Variants in MON2 observed in about 807,000 individuals in gnomAD.
MON2 encodes the protein protein MON2 homolog.
MON2 carries 84 observed loss-of-function variants against 208.6 expected under a neutral mutation model. The ratio of observed to expected loss-of-function variants is 0.40; its 90% CI spans 0.34 to 0.48. The LOEUF is 0.48. MON2 is among the 20% of genes least tolerant of loss of function. The pLI is 0.59. For missense variants in MON2, 1,611 were observed against 2,015.4 expected (o/e 0.80, Z 3.84); for synonymous variants, 660 against 694.0 (o/e 0.95, Z 0.77).
chr12:62,584,824 T>C (rs556628292), intron 32 of MON2, among the ~76,000 whole-genome samples: 2 of 151,330 alleles, frequency 1.3e-5, no homozygotes, highest in South Asian at 4.2e-4. Context: ...ACAGCGTGTC[T>C]AGAGAGCAAC....
Position 62,484,210 on chromosome 12 carries a change from C to T in MON2, c.152C>T (p.Ala51Val), listed in dbSNP as rs780654461. The change falls in exon 2 of 35, where the codon GCA becomes GTA. Residue 51 changes from alanine to valine, a missense_variant. By Grantham distance (64) the Ala-to-Val change is moderately conservative (BLOSUM62 0). Coordinates refer to ENST00000393630, the MANE Select transcript of MON2 (RefSeq NM_015026.3). The part of the protein sequence containing the change: ...SGIIKVKTIA[A>V]RNTEILAALK... Reference sequence around the variant, plus strand: ...ATAATAAAAGTTAAAACAATTGCTGCACGAAACACTGAAATTTTGGCAGGT... The same window carrying T: ...ATAATAAAAGTTAAAACAATTGCTGTACGAAACACTGAAATTTTGGCAGGT... 1.2e-6 allele frequency: 2 copies of T among 1,600,466 alleles called. No homozygotes were observed. Among genetic ancestry groups the T allele is most frequent in the South Asian group, 2.3e-5 (2 of 86,842 alleles).
chr12:62,528,158 G>A (rs2072436266), intron 11 of MON2, among the ~76,000 whole-genome samples: 2 of 151,932 alleles, frequency 1.3e-5, no homozygotes, highest in Non-Finnish European at 2.9e-5. Flanking sequence ...GTGTTCTTTT[G>A]TACATGGGTT....
chr12:62,467,598 TC>T (rs1186885266), intron 1 of MON2, among the ~76,000 whole-genome samples: 2 of 152,216 alleles, frequency 1.3e-5, no homozygotes, highest in African/African-American at 4.8e-5. Context: ...ACTAGCCTAT[TC>T]TGGCCTTTTT....
At chr12:62,591,760 C>A (rs2136517950) in intron 34 of MON2, among the ~76,000 whole-genome samples, 1 of 152,214 alleles carries the variant, frequency 6.6e-6, no homozygotes, top group African/African-American at 2.4e-5. Context: ...AATTGACACC[C>A]AGTAAATTGT....
chr12:62,487,856 A>T (rs1314894546), intron 2 of MON2, among the ~76,000 whole-genome samples: 1 of 152,124 alleles, frequency 6.6e-6, no homozygotes. Context: ...CAAGAAATAC[A>T]CTTGAAAGAA....
intron 11 of MON2, among the ~76,000 whole-genome samples, chr12:62,528,321 A>T (rs2072445872): frequency 6.6e-6 from 1 of 152,182 alleles, no homozygotes; most frequent in Non-Finnish European, 1.5e-5. Context: ...CTTGAGTATA[A>T]TTTGAAAACT....
At chr12:62,491,321 C>T (rs993037662) in intron 2 of MON2, among the ~76,000 whole-genome samples, 1 of 152,018 alleles carries the variant, frequency 6.6e-6, no homozygotes, top group Non-Finnish European at 1.5e-5. Flanking sequence ...CTGTTTATGG[C>T]CCAGAGGATG....
chr12:62,554,552 C>CG (rs1348440883), intron 24 of MON2, among the ~76,000 whole-genome samples: 3 of 152,128 alleles, frequency 2.0e-5, no homozygotes, highest in Non-Finnish European at 4.4e-5. Flanking sequence ...TTGAGTGCAG[C>CG]GGCCTGATCG....
intron 1 of MON2, among the ~76,000 whole-genome samples, chr12:62,469,432 A>C (rs2068678453): frequency 6.6e-6 from 1 of 152,222 alleles, no homozygotes; most frequent in Admixed American, 6.5e-5. Context: ...CTTTGAGATA[A>C]TAGCAAAAGT....
intron 29 of MON2, among the ~76,000 whole-genome samples, chr12:62,568,417 C>T (rs533218544): frequency 3.3e-5 from 5 of 152,214 alleles, no homozygotes; most frequent in East Asian, 3.9e-4. Flanking sequence ...TAGCTTATTG[C>T]GGCCTCAAGC....
At chr12:62,565,506 A>G (rs929492447) in intron 27 of MON2, 126 bp downstream of exon 27, 10 of 832,292 alleles carry the variant, frequency 1.2e-5, no homozygotes, top group Non-Finnish European at 1.8e-5. Context: ...ATATTTATAC[A>G]TGTCTGTTAG....
At chr12:62,552,316 G>A (rs888360140) in intron 23 of MON2, among the ~76,000 whole-genome samples, 4 of 151,988 alleles carry the variant, frequency 2.6e-5, no homozygotes, top group Non-Finnish European at 4.4e-5. Flanking sequence ...ATTGCAAGTG[G>A]GTGGCTAGTG....
At chr12:62,563,355 A>G (rs543437475) in intron 26 of MON2, among the ~76,000 whole-genome samples, 5 of 152,324 alleles carry the variant, frequency 3.3e-5, no homozygotes, top group African/African-American at 1.2e-4. Flanking sequence ...CAAGTTCTCT[A>G]GCAAAGACCT....
At chr12:62,548,672 G>C (rs914921183) in intron 22 of MON2, among the ~76,000 whole-genome samples, 1 of 152,148 alleles carries the variant, frequency 6.6e-6, no homozygotes, top group African/African-American at 2.4e-5. Flanking sequence ...CTATAATGTG[G>C]TGTACTAAAT....
rs371084414 is a variant in MON2 at position 62,568,947 on chromosome 12, C to G, written c.4324-2445C>G. 2.5e-4 allele frequency among the ~76,000 whole-genome samples: 38 copies of G among 152,204 alleles called. No individual in the cohort carries two copies. In the East Asian group the frequency reaches 4.4e-3, roughly 18 times the overall value. On this transcript the variant is annotated intron_variant, in intron 29 of 34. Transcript: ENST00000393630. ...GGATTAAAGGCATGAAACACCATGC[C>G]GAGCCACTCAGTTTGTATTTTTAAA...
chr12:62,539,977 A>T (rs2073160425), intron 19 of MON2, among the ~76,000 whole-genome samples: 2 of 152,176 alleles, frequency 1.3e-5, no homozygotes, highest in Non-Finnish European at 2.9e-5. Context: ...TCAAGAAAAA[A>T]AGAAAATATA....
intron 29 of MON2, among the ~76,000 whole-genome samples, chr12:62,569,981 T>C (rs937076679): frequency 7.9e-5 from 12 of 152,332 alleles, no homozygotes; most frequent in African/African-American, 2.9e-4. Flanking sequence ...ACCCAAATTT[T>C]TACGTAACAG....
chr12:62,584,066 G>A (rs924253179), intron 32 of MON2, among the ~76,000 whole-genome samples: 7 of 151,776 alleles, frequency 4.6e-5, no homozygotes, highest in Admixed American at 3.9e-4. Context: ...AAATGGAAAG[G>A]ACTTTTAACA....
At position 62,594,843 on chromosome 12, in the gene MON2, G is replaced by T. The variant is rs1329333185; in HGVS notation, c.*2094G>T. The T allele has an allele frequency of 6.6e-6, 1 of 152,226 alleles. No homozygotes were observed. The highest frequency in any genetic ancestry group is 1.9e-4 in the East Asian group (1 of 5,172). 9.4% of individuals were successfully genotyped at this position (152,226 alleles called of 1,614,324 possible). A position where few individuals can be genotyped will look rare whatever the true frequency, so the allele number is the denominator to read the frequency against. ...TGCCAGTCTTAGTGTGAAGCAAGTGGGTGGCCCCCTTGGTAGTATAATTGG... is the reference window on the plus strand; with the variant it reads ...TGCCAGTCTTAGTGTGAAGCAAGTGTGTGGCCCCCTTGGTAGTATAATTGG... On this transcript the variant is annotated 3_prime_UTR_variant, in exon 35 of 35. Transcript: ENST00000393630.
Sources: allele counts gnomAD v4.1 joint callset (sites outside exome capture counted in the v4.1 genomes callset), GRCh38; gene constraint gnomAD v4.1.1; transcripts MANE v1.5; gene names NCBI Gene and HGNC (gene_info 2026-07-23, HGNC 2026-07-21).